WTIP: variants seen among roughly 807,000 people sequenced by gnomAD.
The protein encoded by WTIP is WT1 interacting protein.
WTIP carries 23 observed loss-of-function variants against 41.7 expected under a neutral mutation model. The observed-to-expected ratio is 0.55, with a 90% CI of 0.40 to 0.78. WTIP has a LOEUF of 0.78. WTIP is among the 30% of genes least tolerant of loss of function. WTIP has a pLI of 0.00. For missense variants in WTIP, 619 were observed against 610.5 expected (o/e 1.01, Z -0.15); for synonymous variants, 314 against 269.9 (o/e 1.16, Z -1.60).
chr19:34,492,787 G>A (rs1341889254), intron 2 of WTIP, among the ~76,000 whole-genome samples: 1 of 151,628 alleles, frequency 6.6e-6, no homozygotes, highest in Non-Finnish European at 1.5e-5. Context: ...GTATTTACAT[G>A]AGCAAAATAT....
chr19:34,484,402 G>A (rs1406885149), intron 1 of WTIP, among the ~76,000 whole-genome samples: 1 of 152,128 alleles, frequency 6.6e-6, no homozygotes, highest in African/African-American at 2.4e-5. Flanking sequence ...GCTAAGAGGA[G>A]GTGCGCCTGC....
rs2075768126 is a variant in WTIP, at chr19:34,481,897, G to A, written c.-78G>A. ...CCGGGGCGGGCTCCGGGCTTCGGGC[G>A]GACGATGCGGCGGCCCGGCCGGAGC... is the stretch of plus-strand genomic sequence containing the variant. On this transcript the variant is annotated 5_prime_UTR_variant, in exon 1 of 8. Transcript: ENST00000590071. The A allele has an allele frequency of 2.2e-6, 2 of 894,554 alleles. No homozygotes were observed. The highest frequency in any genetic ancestry group is 2.7e-6 in the Non-Finnish European group (2 of 748,716). The allele number at this position is 894,554 out of a possible 1,614,324, so 55.4% of individuals were successfully genotyped here.
chr19:34,485,306 T>A (rs1299296050), intron 1 of WTIP, among the ~76,000 whole-genome samples: 1 of 152,014 alleles, frequency 6.6e-6, no homozygotes, highest in Non-Finnish European at 1.5e-5. Flanking sequence ...TTGTCTCGAG[T>A]TTCTGACCTC....
chr19:34,486,586 C>G (rs2075798617), intron 1 of WTIP, among the ~76,000 whole-genome samples: 1 of 152,100 alleles, frequency 6.6e-6, no homozygotes, highest in African/African-American at 2.4e-5. Context: ...CCAGGATGGT[C>G]TCATCTCCTG....
rs34263232 is a variant in WTIP, at chr19:34,484,935, T to TAAA, written c.667+2312_667+2314dup. On this transcript the variant is annotated intron_variant, in intron 1 of 7. Transcript: ENST00000590071. Reference sequence around the variant, plus strand: ...ACAGAGTGAGATCCTGTCTTTTCTTTAAAAAAAAAAAAAAAAAAAAGCTGC... The same window carrying TAAA: ...ACAGAGTGAGATCCTGTCTTTTCTTTAAAAAAAAAAAAAAAAAAAAAAAGCTGC... Among the ~76,000 whole-genome samples the TAAA allele has an allele frequency of 7.6e-4, 88 of 115,506 alleles. 1 individual carries two copies. The East Asian group carries it at 9.8e-3, about 13-fold the overall frequency. 75.8% of individuals were successfully genotyped at this position (115,506 alleles called of 152,430 possible).
intron 7 of WTIP, 141 bp from the exon 8 acceptor site, chr19:34,499,988 C>T (rs1037678894): frequency 7.9e-7 from 1 of 1,262,962 alleles, no homozygotes; most frequent in East Asian, 2.6e-5. Context: ...GGTGTGAGCC[C>T]CTGCGCCCGG....
In WTIP at chr19:34,490,296, C is replaced by T. The variant is rs145122722; in HGVS notation, c.668-80C>T. The T allele has an allele frequency of 7.8e-4, 1,039 of 1,334,464 alleles. 12 individuals carry two copies. The African/African-American group carries it at 0.012, about 15-fold the overall frequency. 82.7% of individuals were successfully genotyped at this position (1,334,464 alleles called of 1,614,324 possible). A position where few individuals can be genotyped will look rare whatever the true frequency, so the allele number is the denominator to read the frequency against. ...GCATCCCCCAGGTCAAGCGGGTGGGCGGTGTCAAGACGGGGAGTCCGTCGG... is the reference window on the plus strand; with the variant it reads ...GCATCCCCCAGGTCAAGCGGGTGGGTGGTGTCAAGACGGGGAGTCCGTCGG... On this transcript the variant is annotated intron_variant, in intron 1 of 7. Coordinates refer to ENST00000590071, the MANE Select transcript of WTIP (RefSeq NM_001080436.2).
Position 34,493,772 on chromosome 19 carries a change from G to C in WTIP, c.1031+150G>C. The C allele has an allele frequency of 9.0e-7, 1 of 1,112,788 alleles. No individual in the cohort carries two copies. Among genetic ancestry groups the C allele is most frequent in the Non-Finnish European group, 1.3e-6 (1 of 770,930 alleles). The allele number at this position is 1,112,788 out of a possible 1,614,324, so 68.9% of individuals were successfully genotyped here. ...GTACACCTGGGCTTGGGGCAGGCAT[G>C]TGTCTCTGCCTGCATCCCCTCTCCT... On this transcript the variant is annotated intron_variant, in intron 5 of 7. Transcript: ENST00000590071. This position sits in a 1 kb window ranked among gnomAD's most constrained non-coding sequence, Gnocchi z 4.1.
At chr19:34,484,976 G>A (rs1352577940) in intron 1 of WTIP, among the ~76,000 whole-genome samples, 1 of 147,730 alleles carries the variant, frequency 6.8e-6, no homozygotes, top group Non-Finnish European at 1.5e-5. Context: ...TCGGGCTGTT[G>A]TAGCGCCCTG....
Position 34,500,131 on chromosome 19 carries a change from C to T in WTIP, c.1155C>T (p.Asp385=). 6.3e-7 allele frequency: 1 copy of T among 1,599,640 alleles called. No homozygotes were observed. Among genetic ancestry groups the T allele is most frequent in the Non-Finnish European group, 8.5e-7 (1 of 1,179,712 alleles). ...CTGGGGGCTGTGTTCTTCCCTAGGA[C>T]TGCGGGCTGCAGCTGAGCGGGGAGG... ...DYHVACYHCE[D]CGLQLSGEEG... is the part of the protein sequence containing the mutation. The change falls in exon 8 of 8, where the codon GAC becomes GAT. Residue 385 remains aspartate, a splice_region_variant and synonymous_variant. Transcript: ENST00000590071.
intron 1 of WTIP, among the ~76,000 whole-genome samples, chr19:34,485,328 C>T (rs1432142908): frequency 6.6e-6 from 1 of 152,180 alleles, no homozygotes; most frequent in Non-Finnish European, 1.5e-5. Context: ...GGTGATCCAC[C>T]TGCCTCGGCC....
At chr19:34,485,432 G>A (rs2075792434) in intron 1 of WTIP, among the ~76,000 whole-genome samples, 1 of 152,114 alleles carries the variant, frequency 6.6e-6, no homozygotes, top group Non-Finnish European at 1.5e-5. Flanking sequence ...TGAACTATAT[G>A]GTTCTGATGA....
chr19:34,505,466 T>G lies in WTIP; in HGVS notation c.*5197T>G, dbSNP rs1232448137. The G allele has an allele frequency of 6.6e-6, 1 of 152,266 alleles. No individual in the cohort carries two copies. The allele number at this position is 152,266 out of a possible 1,614,324, so 9.4% of individuals were successfully genotyped here. ...CAGCCCCCCTGTGGGCCCTCAGGAC[T>G]GGTAGCCCTGGGCCCCCTGGCGCTT... On this transcript the variant is annotated 3_prime_UTR_variant, in exon 8 of 8. Coordinates refer to ENST00000590071, the MANE Select transcript of WTIP (RefSeq NM_001080436.2).
At chr19:34,497,562 T>C (rs2075861544) in intron 7 of WTIP, among the ~76,000 whole-genome samples, 2 of 151,976 alleles carry the variant, frequency 1.3e-5, no homozygotes, top group African/African-American at 2.4e-5. Context: ...AGCACTGTCA[T>C]TTAAGGACAC....
At chr19:34,499,860 C>T (rs1482019961) in intron 7 of WTIP, among the ~76,000 whole-genome samples, 1 of 152,088 alleles carries the variant, frequency 6.6e-6, no homozygotes, top group Non-Finnish European at 1.5e-5. Flanking sequence ...CCACTATGCC[C>T]GGCTAATTTT....
intron 1 of WTIP, among the ~76,000 whole-genome samples, chr19:34,489,260 G>A (rs1248496191): frequency 1.3e-5 from 2 of 149,796 alleles, no homozygotes; most frequent in South Asian, 4.2e-4. Context: ...TCTGCCTGAC[G>A]TTATTTGACT....
rs2075895608 is a variant in WTIP at position 34,503,002 on chromosome 19, G to A, written c.*2733G>A. On this transcript the variant is annotated 3_prime_UTR_variant, in exon 8 of 8. Transcript: ENST00000590071. ...CCCTTCCTTTGCATGTGCCATGGTG[G>A]GCCCTGTGCTTATATCCATGGGGTT... 1 of 152,296 alleles carries A rather than the reference G, an allele frequency of 6.6e-6. No individual in the cohort carries two copies. The highest frequency in any genetic ancestry group is 1.5e-5 in the Non-Finnish European group (1 of 68,134). The allele number at this position is 152,296 out of a possible 1,614,324, so 9.4% of individuals were successfully genotyped here.
intron 7 of WTIP, among the ~76,000 whole-genome samples, chr19:34,497,552 A>G (rs923219511): frequency 2.0e-5 from 3 of 152,302 alleles, no homozygotes; most frequent in African/African-American, 7.2e-5. Context: ...TAGCTCAGGG[A>G]GCACTGTCAT....
At position 34,501,214 on chromosome 19, in the gene WTIP, A is replaced by G. The variant is rs1333992841; in HGVS notation, c.*945A>G. 2 of 152,696 alleles carry G rather than the reference A, an allele frequency of 1.3e-5. No homozygotes were observed. The highest frequency in any genetic ancestry group is 4.8e-5 in the African/African-American group (2 of 41,480). 9.5% of individuals were successfully genotyped at this position (152,696 alleles called of 1,614,324 possible). A position where few individuals can be genotyped will look rare whatever the true frequency, so the allele number is the denominator to read the frequency against. On this transcript the variant is annotated 3_prime_UTR_variant, in exon 8 of 8. Coordinates refer to ENST00000590071, the MANE Select transcript of WTIP (RefSeq NM_001080436.2). ...GTTATTTTTAAAGCAAATGCCGGCA[A>G]ACTCACAAGTGTCTAGTTTGTCTGT...
Sources: gnomAD v4.1 joint callset for allele counts (sites outside exome capture counted in the v4.1 genomes callset) on GRCh38, gnomAD v4.1.1 for gene constraint, Gnocchi (gnomAD v3.1) non-coding constraint, MANE v1.5 for transcripts, NCBI Gene and HGNC (gene_info 2026-07-23, HGNC 2026-07-21) for gene names.